The following CADM2 variants were observed in gnomAD, a reference collection of about 807,000 sequenced individuals.
The protein encoded by CADM2 is cell adhesion molecule 2, also known as immunoglobulin superfamily member 4D.
Under a neutral mutation model 49.8 loss-of-function variants are expected in CADM2, and 12 were observed. The observed-to-expected ratio is 0.24, with a 90% confidence interval of 0.15 to 0.39. The LOEUF is 0.39. Among genes scored for constraint, CADM2 ranks in the 10% least tolerant of loss-of-function variants. The pLI is 1.00. For missense variants in CADM2, 378 were observed against 492.3 expected, an observed-to-expected ratio of 0.77 and a Z score of 2.20; for synonymous variants, 214 against 175.4, an observed-to-expected ratio of 1.22 and a Z score of -1.74.
At chr3:85,079,268 C>A (rs1575820954) in intron 1 of CADM2, among the ~76,000 whole-genome samples, 3 of 151,776 alleles carry the variant, frequency 2.0e-5, no homozygotes, top group Middle Eastern at 6.9e-3. Context: ...TTATTTATAA[C>A]AGTTATTCAC....
intron 1 of CADM2, among the ~76,000 whole-genome samples, chr3:85,470,789 T>C (rs2038732346): frequency 6.6e-6 from 1 of 152,126 alleles, no homozygotes; most frequent in Non-Finnish European, 1.5e-5. Flanking sequence ...ATAAAGAACA[T>C]AACTTAAAGG....
intron 1 of CADM2, among the ~76,000 whole-genome samples, chr3:85,450,605 A>T (rs1439921468): frequency 6.6e-6 from 1 of 152,032 alleles, no homozygotes; most frequent in Non-Finnish European, 1.5e-5. Context: ...GAAATGAAAA[A>T]ATATATTTTC....
chr3:85,848,469 A>T lies in CADM2; in HGVS notation c.239-34822A>T, dbSNP rs187268320. On this transcript the variant is annotated intron_variant, in intron 3 of 9. Coordinates refer to ENST00000383699, the MANE Select transcript of CADM2 (RefSeq NM_001167675.2). ...AACCATAAAATAATCAAAATTTAAA[A>T]AAGTGAAAAACCTGAATTTGATTTT... Among the ~76,000 whole-genome samples, 55 of 152,320 alleles carry T rather than the reference A, an allele frequency of 3.6e-4. No individual in the cohort carries two copies. The East Asian group carries it at 9.1e-3, about 25-fold the overall frequency.
intron 1 of CADM2, among the ~76,000 whole-genome samples, chr3:84,984,000 C>A (rs376355266): frequency 2.6e-5 from 4 of 151,330 alleles, no homozygotes; most frequent in African/African-American, 7.3e-5. Flanking sequence ...CACTTTCAGA[C>A]TTTCTATTTT....
At chr3:85,567,863 G>A (rs1204636235) in intron 1 of CADM2, among the ~76,000 whole-genome samples, 2 of 152,148 alleles carry the variant, frequency 1.3e-5, no homozygotes, top group African/African-American at 2.4e-5. Flanking sequence ...GAGAACCCAC[G>A]GAGCTGCTGG....
chr3:85,618,704 A>G (rs1218048553), intron 1 of CADM2, among the ~76,000 whole-genome samples: 1 of 152,012 alleles, frequency 6.6e-6, no homozygotes, highest in Non-Finnish European at 1.5e-5. Context: ...AAGTACACAG[A>G]TATACTATTA....
intron 1 of CADM2, among the ~76,000 whole-genome samples, chr3:85,238,559 A>G (rs975874727): frequency 1.1e-4 from 16 of 151,454 alleles, no homozygotes; most frequent in Non-Finnish European, 3.0e-5. Flanking sequence ...GGAAGGGCCC[A>G]AAGGGAAAAG....
At chr3:85,520,463 A>T (rs895124877) in intron 1 of CADM2, among the ~76,000 whole-genome samples, 7 of 152,032 alleles carry the variant, frequency 4.6e-5, no homozygotes, top group Admixed American at 6.6e-5. Flanking sequence ...AACTACTAAG[A>T]AGGAAAATAA....
At chr3:85,900,838 A>G (rs942861476) in intron 5 of CADM2, among the ~76,000 whole-genome samples, 4 of 152,192 alleles carry the variant, frequency 2.6e-5, no homozygotes, top group Non-Finnish European at 4.4e-5. Context: ...ATGTGAGGAA[A>G]ATACCTTTTT....
intron 1 of CADM2, among the ~76,000 whole-genome samples, chr3:85,616,041 G>T (rs992091322): frequency 1.3e-5 from 2 of 151,958 alleles, no homozygotes; most frequent in Non-Finnish European, 2.9e-5. Flanking sequence ...AAGAGCTGAT[G>T]AGCAGAGTTG....
At chr3:85,577,361 G>A (rs550053114) in intron 1 of CADM2, among the ~76,000 whole-genome samples, 1 of 152,284 alleles carries the variant, frequency 6.6e-6, no homozygotes, top group African/African-American at 2.4e-5. Context: ...TATCATGAGA[G>A]TGAGTTAGTT....
chr3:85,231,642 C>T (rs970436897), intron 1 of CADM2, among the ~76,000 whole-genome samples: 10 of 148,764 alleles, frequency 6.7e-5, no homozygotes, highest in Non-Finnish European at 1.5e-4. Context: ...GTTTTTGTTA[C>T]TTTTTGAGTC....
chr3:85,657,271 T>A (rs1225529094), intron 1 of CADM2, among the ~76,000 whole-genome samples: 2 of 152,178 alleles, frequency 1.3e-5, no homozygotes, highest in Non-Finnish European at 2.9e-5. Flanking sequence ...TTATTTGAGT[T>A]TTCAGCTTTG....
At chr3:85,927,258 T>G (rs1719991337) in intron 6 of CADM2, among the ~76,000 whole-genome samples, 1 of 152,202 alleles carries the variant, frequency 6.6e-6, no homozygotes, top group South Asian at 2.1e-4. Context: ...TACTCAACAA[T>G]TACTTAATTG....
At chr3:85,237,292 A>G (rs927292198) in intron 1 of CADM2, among the ~76,000 whole-genome samples, 1 of 151,882 alleles carries the variant, frequency 6.6e-6, no homozygotes, top group Non-Finnish European at 1.5e-5. Context: ...GTTCAAAATT[A>G]CCTAGATGTG....
At chr3:85,770,659 G>GA (rs2070035545) in intron 2 of CADM2, among the ~76,000 whole-genome samples, 1 of 152,048 alleles carries the variant, frequency 6.6e-6, no homozygotes, top group Non-Finnish European at 1.5e-5. Context: ...TTTGATTCTA[G>GA]AAATATGTGA....
intron 7 of CADM2, among the ~76,000 whole-genome samples, chr3:85,956,753 G>C (rs1225110726): frequency 1.3e-5 from 2 of 148,470 alleles, no homozygotes; most frequent in East Asian, 4.1e-4. Flanking sequence ...AATTTAAAAA[G>C]ACATATCTGA....
chr3:85,736,616 G>A (rs887144668), intron 2 of CADM2, among the ~76,000 whole-genome samples: 7 of 151,988 alleles, frequency 4.6e-5, no homozygotes, highest in Admixed American at 2.0e-4. Flanking sequence ...ATATTTACAG[G>A]GTTTTCTTTT....
At chr3:85,640,861 A>G (rs1335994688) in intron 1 of CADM2, among the ~76,000 whole-genome samples, 28 of 151,984 alleles carry the variant, frequency 1.8e-4, no homozygotes, top group Non-Finnish European at 1.5e-5. Context: ...ACATTAGGTT[A>G]TATTCTGGAA....
Sources: allele counts gnomAD v4.1 joint callset (sites outside exome capture counted in the v4.1 genomes callset), GRCh38; gene constraint gnomAD v4.1.1; transcripts MANE v1.5; gene names NCBI Gene and HGNC (gene_info 2026-07-23, HGNC 2026-07-21).